Variants in SNCAIP observed in about 807,000 individuals in gnomAD.
SNCAIP encodes synphilin-1.
Under a neutral mutation model 86.7 loss-of-function variants are expected in SNCAIP, and 43 were observed. The ratio of observed to expected loss-of-function variants is 0.50; its 90% confidence interval spans 0.39 to 0.64. SNCAIP has a LOEUF of 0.64. SNCAIP is among the 30% of genes least tolerant of loss of function. The pLI, the probability that SNCAIP is intolerant of heterozygous loss-of-function variation, is 0.00. For missense variants in SNCAIP, 981 were observed against 1,103.1 expected, an observed-to-expected ratio of 0.89 and a Z score of 1.57; for synonymous variants, 417 against 427.2, an observed-to-expected ratio of 0.98 and a Z score of 0.29.
At chr5:122,358,767 C>T (rs1761625317) in intron 1 of SNCAIP, among the ~76,000 whole-genome samples, 1 of 152,022 alleles carries the variant, frequency 6.6e-6, no homozygotes, top group Admixed American at 6.6e-5. Flanking sequence ...TATATCATAC[C>T]GGATTGGCAA....
At chr5:122,314,872 TATTTGTAATACAGCA>T (rs1751386050) in intron 1 of SNCAIP, among the ~76,000 whole-genome samples, 1 of 152,230 alleles carries the variant, frequency 6.6e-6, no homozygotes, top group South Asian at 2.1e-4. Context: ...ACTTTGTGCT[TATTTGTAATACAGCA>T]ATTTAAAATC....
intron 10 of SNCAIP, among the ~76,000 whole-genome samples, chr5:122,460,205 T>TCTAA (rs961480175): frequency 2.0e-5 from 3 of 151,834 alleles, no homozygotes; most frequent in African/African-American, 7.3e-5. Context: ...CACAGCATCC[T>TCTAA]CTAACTTCTG....
At chr5:122,429,151 C>G (rs114466393) in intron 5 of SNCAIP, among the ~76,000 whole-genome samples, 2 of 151,668 alleles carry the variant, frequency 1.3e-5, no homozygotes, top group South Asian at 2.1e-4. Flanking sequence ...CCAACACTTA[C>G]AAGATGCAAC....
chr5:122,456,093 TA>T (rs1784675137), intron 10 of SNCAIP, among the ~76,000 whole-genome samples: 2 of 152,306 alleles, frequency 1.3e-5, no homozygotes, highest in Admixed American at 6.5e-5. Flanking sequence ...CAAAAGGGCA[TA>T]ACCCCTGGCC....
intron 1 of SNCAIP, among the ~76,000 whole-genome samples, chr5:122,376,245 C>T (rs1480863248): frequency 6.6e-6 from 1 of 152,142 alleles, no homozygotes; most frequent in East Asian, 1.9e-4. Context: ...TCAGTGATCC[C>T]ATGCATGCTG....
chr5:122,407,192 C>A (rs73797303), intron 3 of SNCAIP, among the ~76,000 whole-genome samples: 11 of 152,102 alleles, frequency 7.2e-5, no homozygotes, highest in African/African-American at 2.7e-4. Flanking sequence ...ACATGAGAGA[C>A]TGTGGTAATT....
intron 5 of SNCAIP, among the ~76,000 whole-genome samples, chr5:122,426,786 G>A (rs1288768924): frequency 6.6e-6 from 1 of 152,076 alleles, no homozygotes; most frequent in Admixed American, 6.5e-5. Flanking sequence ...ACTACAGGCA[G>A]CTATCATGAA....
At chr5:122,450,468 G>T (rs1242440110) in intron 9 of SNCAIP, 65 bp from the exon 10 acceptor site, 5 of 1,048,124 alleles carry the variant, frequency 4.8e-6, no homozygotes, top group Non-Finnish European at 7.5e-6. Flanking sequence ...TAAAGACCAT[G>T]TAGTGACTTG....
chr5:122,418,957 G>C (rs1220305378), intron 3 of SNCAIP, among the ~76,000 whole-genome samples: 1 of 152,150 alleles, frequency 6.6e-6, no homozygotes, highest in Non-Finnish European at 1.5e-5. Flanking sequence ...GGTCCAGCCA[G>C]TTTAGTGATG....
chr5:122,393,983 A>G (rs531987148), intron 2 of SNCAIP, among the ~76,000 whole-genome samples: 9 of 152,338 alleles, frequency 5.9e-5, no homozygotes, highest in African/African-American at 2.2e-4. Context: ...TTTAAGGGCT[A>G]AGTGGAGATT....
At chr5:122,413,094 G>A (rs1162966523) in intron 3 of SNCAIP, among the ~76,000 whole-genome samples, 1 of 152,108 alleles carries the variant, frequency 6.6e-6, no homozygotes, top group African/African-American at 2.4e-5. Context: ...GCTGCTGAGA[G>A]CTCCCTCTCC....
intron 8 of SNCAIP, 76 bp from the exon 9 acceptor site, chr5:122,449,769 C>G: frequency 1.0e-6 from 1 of 992,138 alleles, no homozygotes; most frequent in South Asian, 1.3e-5. Flanking sequence ...GAAATTATTA[C>G]GAAAAATATT....
rs531406528 is a variant in SNCAIP at position 122,387,650 on chromosome 5, T to A, written c.-46-3439T>A. The stretch of plus-strand genomic sequence containing the variant: ...CACGGCTTCCTCCCTTCCCCTGGAG[T>A]CACAGCAGTGAAGTGTCACCATGTA... On this transcript the variant is annotated intron_variant, in intron 1 of 10. Coordinates refer to ENST00000261368, the MANE Select transcript of SNCAIP (RefSeq NM_005460.4). Among the ~76,000 whole-genome samples, 5 of 152,220 alleles carry A rather than the reference T, an allele frequency of 3.3e-5. No individual in the cohort carries two copies. The East Asian group carries it at 7.7e-4, about 24-fold the overall frequency.
At chr5:122,439,656 G>GA (rs535555317) in intron 6 of SNCAIP, among the ~76,000 whole-genome samples, 18 of 150,836 alleles carry the variant, frequency 1.2e-4, no homozygotes, top group Non-Finnish European at 1.9e-4. Flanking sequence ...CAAACAACTG[G>GA]AAAAAAAAAT....
chr5:122,313,153 G>A (rs1055362054), intron 1 of SNCAIP, among the ~76,000 whole-genome samples: 1 of 152,234 alleles, frequency 6.6e-6, no homozygotes, highest in South Asian at 2.1e-4. Context: ...TAGGAGGGGG[G>A]AAACGTGTTG....
chr5:122,383,198 G>A (rs1028487870), intron 1 of SNCAIP, among the ~76,000 whole-genome samples: 35 of 152,200 alleles, frequency 2.3e-4, no homozygotes, highest in African/African-American at 8.0e-4. Context: ...GCGAGACTCC[G>A]TGGGCGTAGG....
Position 122,403,777 on chromosome 5 carries a change from C to T in SNCAIP, c.58-16C>T, listed in dbSNP as rs1772358399. On this transcript the variant is annotated splice_polypyrimidine_tract_variant and intron_variant, in intron 2 of 10. Transcript: ENST00000261368. ...TAAATTATTTTATGCCCTCTCTTCTCTGGCTTCCCGTTCAGTATTCAGTCA... is the reference window on the plus strand; with the variant it reads ...TAAATTATTTTATGCCCTCTCTTCTTTGGCTTCCCGTTCAGTATTCAGTCA... 6.2e-7 allele frequency: 1 copy of T among 1,608,688 alleles called. No individual in the cohort carries two copies. The highest frequency in any genetic ancestry group is 8.5e-7 in the Non-Finnish European group (1 of 1,175,094).
chr5:122,343,582 G>A (rs1758013376), intron 1 of SNCAIP, among the ~76,000 whole-genome samples: 1 of 152,162 alleles, frequency 6.6e-6, no homozygotes, highest in Non-Finnish European at 1.5e-5. Context: ...ATGCTCAAAC[G>A]ATGAGACTCT....
intron 1 of SNCAIP, among the ~76,000 whole-genome samples, chr5:122,346,366 T>C (rs777711562): frequency 2.0e-5 from 3 of 152,158 alleles, no homozygotes; most frequent in Non-Finnish European, 4.4e-5. Context: ...CTTGGGGACT[T>C]TTTTAAAAAA....
Sources: allele counts gnomAD v4.1 joint callset (sites outside exome capture counted in the v4.1 genomes callset), GRCh38; gene constraint gnomAD v4.1.1; transcripts MANE v1.5; gene names NCBI Gene and HGNC (gene_info 2026-07-23, HGNC 2026-07-21).